Variants in UNC5D observed in about 807,000 individuals in gnomAD.
UNC5D encodes netrin receptor UNC5D.
In UNC5D, 39 loss-of-function variants were observed where a neutral mutation model predicts 105.4. The ratio of observed to expected loss-of-function variants is 0.37; its 90% CI spans 0.29 to 0.48. The LOEUF (loss-of-function observed/expected upper bound fraction) is 0.48, where lower values mean the gene tolerates loss of function less well. Ranked by LOEUF, UNC5D falls within the 20% of genes least tolerant of loss-of-function variation. UNC5D has a pLI of 0.98. For synonymous variants in UNC5D, 452 were observed against 450.4 expected, an observed-to-expected ratio of 1.00 and a Z score of -0.04; for missense variants, 991 against 1,202.4, an observed-to-expected ratio of 0.82 and a Z score of 2.60.
chr8:35,364,336 G>A (rs1469312025), intron 1 of UNC5D, among the ~76,000 whole-genome samples: 4 of 151,904 alleles, frequency 2.6e-5, no homozygotes, highest in African/African-American at 9.7e-5. Flanking sequence ...CATGTATTTT[G>A]TTGGTCAAAA....
chr8:35,776,931 T>G (rs1365486637), intron 16 of UNC5D, among the ~76,000 whole-genome samples: 1 of 152,128 alleles, frequency 6.6e-6, no homozygotes, highest in Non-Finnish European at 1.5e-5. Flanking sequence ...AAGACCGGCC[T>G]GCACTTAGGG....
chr8:35,528,037 T>TA (rs1814010637), intron 1 of UNC5D, among the ~76,000 whole-genome samples: 1 of 130,138 alleles, frequency 7.7e-6, no homozygotes, highest in Admixed American at 7.8e-5. Context: ...TAGAAACAGC[T>TA]GGTTTTTTTT....
At chr8:35,691,313 G>T (rs1431661335) in intron 7 of UNC5D, among the ~76,000 whole-genome samples, 2 of 151,994 alleles carry the variant, frequency 1.3e-5, no homozygotes, top group African/African-American at 4.8e-5. Context: ...CAAGACCCCG[G>T]TCTCTACAAA....
chr8:35,351,605 G>C lies in UNC5D; in HGVS notation c.103+115718G>C, dbSNP rs78856739. Among the ~76,000 whole-genome samples, 1,425 of 152,010 alleles carry C rather than the reference G, an allele frequency of 9.4e-3. 9 individuals are homozygous for C. The highest frequency in any genetic ancestry group is 0.015 in the Non-Finnish European group (1,041 of 67,954). On this transcript the variant is annotated intron_variant, in intron 1 of 16. Coordinates refer to ENST00000404895, the MANE Select transcript of UNC5D (RefSeq NM_080872.4). ...TGTTCTTCTGTGCATAAAGACTGAG[G>C]ATTATTGTCCCCTAGGAAGGAAGAA...
At chr8:35,704,035 G>A (rs1302771972) in intron 7 of UNC5D, among the ~76,000 whole-genome samples, 2 of 152,140 alleles carry the variant, frequency 1.3e-5, no homozygotes, top group African/African-American at 4.8e-5. Flanking sequence ...GGAAATGCAA[G>A]TGTTCTCTGT....
intron 1 of UNC5D, chr8:35,254,348 C>T (rs1404078701): frequency 6.6e-6 from 1 of 152,156 alleles, no homozygotes; most frequent in African/African-American, 2.4e-5. Context: ...ATGCAATGCC[C>T]AGTTTCACAT....
At chr8:35,369,868 G>T (rs1191759745) in intron 1 of UNC5D, among the ~76,000 whole-genome samples, 2 of 152,060 alleles carry the variant, frequency 1.3e-5, no homozygotes, top group Admixed American at 6.6e-5. Flanking sequence ...TAACCAGATT[G>T]TCCATGATGT....
intron 1 of UNC5D, among the ~76,000 whole-genome samples, chr8:35,386,860 C>CT (rs1585723313): frequency 6.6e-6 from 1 of 152,000 alleles, no homozygotes; most frequent in Non-Finnish European, 1.5e-5. Flanking sequence ...GCTTACTTTG[C>CT]TTTTTTTATT....
intron 1 of UNC5D, among the ~76,000 whole-genome samples, chr8:35,332,738 T>G (rs1810721270): frequency 6.6e-6 from 1 of 152,194 alleles, no homozygotes; most frequent in Admixed American, 6.5e-5. Context: ...AGCTGATTAG[T>G]GCTAAATGCG....
At chr8:35,458,486 A>G (rs1394437097) in intron 1 of UNC5D, among the ~76,000 whole-genome samples, 1 of 152,102 alleles carries the variant, frequency 6.6e-6, no homozygotes, top group African/African-American at 2.4e-5. Context: ...TTTCCCTTCA[A>G]CAAAGAATCT....
At chr8:35,490,501 G>C (rs185233685) in intron 1 of UNC5D, among the ~76,000 whole-genome samples, 45 of 152,128 alleles carry the variant, frequency 3.0e-4, no homozygotes, top group Non-Finnish European at 2.6e-4. Context: ...TCCAGCCTGG[G>C]TGACAGAGCA....
chr8:35,789,455 A>G (rs1802928657), intron 16 of UNC5D, among the ~76,000 whole-genome samples: 1 of 151,894 alleles, frequency 6.6e-6, no homozygotes, highest in South Asian at 2.1e-4. Context: ...AAAAAATATA[A>G]AAGGAAGAAT....
intron 2 of UNC5D, among the ~76,000 whole-genome samples, chr8:35,560,097 C>T (rs1448989571): frequency 6.6e-6 from 1 of 152,230 alleles, no homozygotes; most frequent in African/African-American, 2.4e-5. Context: ...TAAGACTCTA[C>T]TCCATAACAA....
intron 14 of UNC5D, among the ~76,000 whole-genome samples, chr8:35,763,228 T>A (rs958928462): frequency 4.6e-5 from 7 of 152,336 alleles, no homozygotes; most frequent in East Asian, 1.9e-4. Flanking sequence ...TCAGATTTTT[T>A]AAAATGTTTG....
intron 1 of UNC5D, among the ~76,000 whole-genome samples, chr8:35,441,364 A>G (rs1394702950): frequency 6.6e-6 from 1 of 151,932 alleles, no homozygotes; most frequent in Non-Finnish European, 1.5e-5. Context: ...TTAATCTCTT[A>G]CTGTGTCTAA....
At chr8:35,323,169 T>C (rs1184882411) in intron 1 of UNC5D, among the ~76,000 whole-genome samples, 1 of 145,854 alleles carries the variant, frequency 6.9e-6, no homozygotes, top group Admixed American at 7.2e-5. Context: ...TTTACTGTTT[T>C]TTTCTAATTT....
At chr8:35,352,630 C>T (rs978884923) in intron 1 of UNC5D, among the ~76,000 whole-genome samples, 1 of 151,960 alleles carries the variant, frequency 6.6e-6, no homozygotes, top group Non-Finnish European at 1.5e-5. Context: ...CTTTTGGTTT[C>T]GAGACAGAGT....
intron 1 of UNC5D, among the ~76,000 whole-genome samples, chr8:35,284,960 G>C (rs1806482667): frequency 6.6e-6 from 1 of 152,048 alleles, no homozygotes; most frequent in Non-Finnish European, 1.5e-5. Flanking sequence ...GACCTGGGGT[G>C]CTTTTTTTCC....
intron 1 of UNC5D, among the ~76,000 whole-genome samples, chr8:35,413,948 G>C (rs981843048): frequency 1.5e-4 from 23 of 151,998 alleles, no homozygotes; most frequent in African/African-American, 5.6e-4. Context: ...ACCATCTTGA[G>C]GGCTTTTAAA....
Sources: gnomAD v4.1 joint callset for allele counts (sites outside exome capture counted in the v4.1 genomes callset) on GRCh38, gnomAD v4.1.1 for gene constraint, MANE v1.5 for transcripts, NCBI Gene and HGNC (gene_info 2026-07-23, HGNC 2026-07-21) for gene names.